Variants in CLCN7 observed in about 807,000 individuals in gnomAD.
The protein encoded by CLCN7 is Cl-/H+ antiporter 7.
CLCN7 carries 60 observed loss-of-function variants against 102.1 expected under a neutral mutation model. The ratio of observed to expected loss-of-function variants is 0.59; its 90% CI spans 0.48 to 0.73. The LOEUF is 0.73. Ranked by LOEUF, CLCN7 falls within the 30% of genes least tolerant of loss-of-function variation. CLCN7 has a pLI of 0.00. For synonymous variants in CLCN7, 560 were observed against 490.5 expected, an observed-to-expected ratio of 1.14 and a Z score of -1.87; for missense variants, 962 against 1,125.7, an observed-to-expected ratio of 0.85 and a Z score of 2.08.
intron 2 of CLCN7, among the ~76,000 whole-genome samples, chr16:1,463,537 G>C (rs1596226054): frequency 6.6e-6 from 1 of 152,122 alleles, no homozygotes; most frequent in East Asian, 1.9e-4. Flanking sequence ...ACAATGGTGT[G>C]ATCATGGCTC....
Position 1,450,559 on chromosome 16 carries a change from G to A in CLCN7, c.1555C>T (p.Leu519Phe), listed in dbSNP as rs777100752. 1 of 1,612,040 alleles carries A rather than the reference G, an allele frequency of 6.2e-7. No homozygotes were observed. Reference protein sequence around the residue: ...VSAGVFIPSLLIGAAWGRLFG... With the variant: ...VSAGVFIPSLFIGAAWGRLFG... ...AGCCGGCCCCAGGCAGCCCCGATGA[G>A]CAGGGACGGGATGAAGACCCCGGCA... The change falls in exon 17 of 25, where the codon CTC becomes TTC. Residue 519 changes from leucine (L) to phenylalanine (F), a missense_variant. Around this residue, in one of 2 missense-constraint regions of CLCN7, gnomAD observed 799 missense variants for 988.0 expected, o/e 0.81. Coordinates refer to ENST00000382745, the MANE Select transcript of CLCN7 (RefSeq NM_001287.6).
chr16:1,450,274 T>G, intron 17 of CLCN7: 1 of 563,670 alleles, frequency 1.8e-6, no homozygotes, highest in Non-Finnish European at 3.2e-6. Flanking sequence ...TACCTTCGCC[T>G]GGTCCAGACT....
rs1488902765 is a variant in CLCN7 at position 1,474,860 on chromosome 16, C to A, written c.115G>T (p.Gly39Trp). The A allele has an allele frequency of 6.9e-7, 1 of 1,440,998 alleles. No individual in the cohort carries two copies. 89.3% of individuals were successfully genotyped at this position (1,440,998 alleles called of 1,614,324 possible). Residue 39 changes from glycine (G) to tryptophan (W), a missense_variant, in exon 1 of 25, where the codon GGG becomes TGG. By Grantham distance (184) the Gly-to-Trp change is radical. Transcript: ENST00000382745. ...RPGGGTPLLN[G>W]AGPGAARQSP... is the part of the protein sequence containing the mutation. ...TGGCGCGCAGCCCCAGGCCCAGCCC[C>A]GTTCAGCAGCGGCGTCCCCCCGCCG...
Position 1,446,342 on chromosome 16 carries a change from G to A in CLCN7, c.*289C>T. 1.4e-6 allele frequency: 1 copy of A among 702,072 alleles called. No homozygotes were observed. Among genetic ancestry groups the A allele is most frequent in the Non-Finnish European group, 2.6e-6 (1 of 384,702 alleles). The allele number at this position is 702,072 out of a possible 1,614,324, so 43.5% of individuals were successfully genotyped here. On this transcript the variant is annotated 3_prime_UTR_variant, in exon 25 of 25. Transcript: ENST00000382745. ...CTCCCAAGAGGCCGATAGCCCGGTA[G>A]GGAGGTCACACACACACAGCTGATC...
intron 17 of CLCN7, chr16:1,449,710 A>T: frequency 6.8e-6 from 2 of 292,304 alleles, no homozygotes; most frequent in South Asian, 3.4e-5. Context: ...GGCTGCAGAA[A>T]GCGGGGCACG....
At chr16:1,462,509 G>C (rs933770676) in intron 2 of CLCN7, among the ~76,000 whole-genome samples, 1 of 150,874 alleles carries the variant, frequency 6.6e-6, no homozygotes, top group South Asian at 2.1e-4. Flanking sequence ...CCAAGTAGCT[G>C]GGATTACAGG....
intron 2 of CLCN7, among the ~76,000 whole-genome samples, chr16:1,464,763 C>T (rs1028475016): frequency 2.6e-5 from 4 of 152,182 alleles, no homozygotes; most frequent in African/African-American, 9.7e-5. Flanking sequence ...GAACGGCCAG[C>T]GGCAGCAGAG....
intron 7 of CLCN7, among the ~76,000 whole-genome samples, chr16:1,458,831 C>T (rs2038879573): frequency 6.6e-6 from 1 of 152,270 alleles, no homozygotes; most frequent in South Asian, 2.1e-4. Context: ...CCCACAGTCA[C>T]AGACGCGTCG....
chr16:1,468,257 A>G lies in CLCN7; in HGVS notation c.142-2919T>C, dbSNP rs527624101. Among the ~76,000 whole-genome samples, 21 of 152,292 alleles carry G rather than the reference A, an allele frequency of 1.4e-4. No homozygotes were observed. The South Asian group carries it at 4.1e-3, about 30-fold the overall frequency. ...CCAAGGTGAAGGCTGCCGGTGCAGT[A>G]TGTGACCAGCGGGCCACCCCCACCG... On this transcript the variant is annotated intron_variant, in intron 1 of 24. Coordinates refer to ENST00000382745, the MANE Select transcript of CLCN7 (RefSeq NM_001287.6).
intron 16 of CLCN7, among the ~76,000 whole-genome samples, chr16:1,451,413 A>G (rs2038748476): frequency 6.6e-6 from 1 of 152,192 alleles, no homozygotes; most frequent in South Asian, 2.1e-4. Flanking sequence ...TAAGTTGCCC[A>G]GGCTGGTCTT....
chr16:1,457,191 T>A lies in CLCN7; in HGVS notation c.822+63A>T. ...GGGTGCTGAGGGAAGCCCATCTCCC[T>A]GAGTGGTGCCCGTGCCCGTGCCCAT... is the stretch of plus-strand genomic sequence containing the variant. On this transcript the variant is annotated intron_variant, in intron 9 of 24. Coordinates refer to ENST00000382745, the MANE Select transcript of CLCN7 (RefSeq NM_001287.6). The surrounding 1 kb of genome is among the most constrained non-coding windows in gnomAD (Gnocchi z 5.4). 6.9e-7 allele frequency: 1 copy of A among 1,448,700 alleles called. No individual in the cohort carries two copies. The highest frequency in any genetic ancestry group is 9.7e-7 in the Non-Finnish European group (1 of 1,029,834). 89.7% of individuals were successfully genotyped at this position (1,448,700 alleles called of 1,614,324 possible).
chr16:1,462,380 T>C (rs2038950383), intron 2 of CLCN7, among the ~76,000 whole-genome samples: 1 of 143,808 alleles, frequency 7.0e-6, no homozygotes, highest in African/African-American at 2.6e-5. Flanking sequence ...TTTTTTTTTT[T>C]TTTTTTTTTT....
chr16:1,473,370 C>CTGTT (rs2039104115), intron 1 of CLCN7, among the ~76,000 whole-genome samples: 1 of 76,682 alleles, frequency 1.3e-5, no homozygotes, highest in African/African-American at 5.8e-5. Context: ...CCTTCCTAAA[C>CTGTT]TTTTTTTTTT....
Position 1,450,427 on chromosome 16 carries a change from T to C in CLCN7, c.1617+70A>G, listed in dbSNP as rs1052723897. ...TTTTGTCCTGCCCTGGGACTTCTGC[T>C]CCGGCCCGCGATGCCGCAAGACCTG... is the stretch of plus-strand genomic sequence containing the variant. On this transcript the variant is annotated intron_variant, in intron 17 of 24. Transcript: ENST00000382745. 5.8e-5 allele frequency: 83 copies of C among 1,440,406 alleles called. No individual in the cohort carries two copies. The African/African-American group carries it at 1.1e-3, about 18-fold the overall frequency. The allele number at this position is 1,440,406 out of a possible 1,614,324, so 89.2% of individuals were successfully genotyped here. A position where few individuals can be genotyped will look rare whatever the true frequency, so the allele number is the denominator to read the frequency against.
chr16:1,465,314 C>G lies in CLCN7; in HGVS notation c.166G>C (p.Val56Leu). ...RQSPRSALFR[V>L]GHMSSVELDD... ...AGCTCCACGCTGCTCATATGTCCGA[C>G]TCGGAAAAGCGCAGAACGTGGTGAC... Residue 56 changes from valine to leucine, a missense_variant, in exon 2 of 25, where the codon GTC becomes CTC. By Grantham distance (32) the Val-to-Leu change is conservative. Around this residue, in one of 2 missense-constraint regions of CLCN7, gnomAD observed 163 missense variants for 137.7 expected, o/e 1.18. Transcript: ENST00000382745. 1 of 1,613,874 alleles carries G rather than the reference C, an allele frequency of 6.2e-7. No homozygotes were observed. The highest frequency in any genetic ancestry group is 1.3e-5 in the African/African-American group (1 of 75,054).
intron 1 of CLCN7, among the ~76,000 whole-genome samples, chr16:1,468,480 T>C (rs1261522047): frequency 1.3e-5 from 2 of 152,248 alleles, no homozygotes; most frequent in African/African-American, 4.8e-5. Flanking sequence ...AGTTCAGCAA[T>C]GCATTCCGTG....
At chr16:1,452,989 G>GC in intron 14 of CLCN7, 96 bp from the exon 15 acceptor site, 1 of 1,485,746 alleles carries the variant, frequency 6.7e-7, no homozygotes, top group South Asian at 1.2e-5. Context: ...AGGACACTGG[G>GC]CCCGTGGTGC....
intron 1 of CLCN7, among the ~76,000 whole-genome samples, chr16:1,469,810 C>T (rs906346732): frequency 1.3e-5 from 2 of 152,260 alleles, no homozygotes; most frequent in African/African-American, 4.8e-5. Context: ...AATGCGGAAG[C>T]ACCTGCTGTG....
intron 5 of CLCN7, 63 bp from the exon 6 acceptor site, chr16:1,460,590 C>T: frequency 7.1e-7 from 1 of 1,408,902 alleles, no homozygotes; most frequent in Non-Finnish European, 1.0e-6. Flanking sequence ...AGACCTCAGC[C>T]CTGCCCCACA....
Sources: gnomAD v4.1 joint callset for allele counts (sites outside exome capture counted in the v4.1 genomes callset) on GRCh38, gnomAD v4.1.1 for gene constraint, gnomAD v4.1.1 regional missense constraint, Gnocchi (gnomAD v3.1) non-coding constraint, MANE v1.5 for transcripts, NCBI Gene and HGNC (gene_info 2026-07-23, HGNC 2026-07-21) for gene names.